AFAP1: variants seen among roughly 807,000 people sequenced by gnomAD.
AFAP1 encodes the protein actin filament associated protein 1, also known as actin filament-associated protein 1.
AFAP1 carries 75 observed loss-of-function variants against 93.9 expected under a neutral mutation model. That is an observed-to-expected ratio of 0.80 (90% CI 0.66 to 0.97). The LOEUF (loss-of-function observed/expected upper bound fraction) is 0.97. Among genes scored for constraint, AFAP1 ranks in the 50% least tolerant of loss-of-function variants. AFAP1 has a pLI of 0.00. For synonymous variants in AFAP1, 517 were observed against 430.7 expected (o/e 1.20, Z -2.48); for missense variants, 1,201 against 1,050.8 (o/e 1.14, Z -1.98).
In AFAP1 at chr4:7,786,210, G is replaced by A. The variant is rs780495147; in HGVS notation, c.1514C>T (p.Pro505Leu). The A allele has an allele frequency of 6.4e-5, 104 of 1,613,924 alleles. No homozygotes were observed. The highest frequency in any genetic ancestry group is 1.2e-4 in the Admixed American group (7 of 59,990). The change falls in exon 12 of 18, where the codon CCG (proline) becomes CTG (leucine). Residue 505 changes from proline to leucine, a missense_variant. Physicochemically the swap from Pro to Leu is moderately conservative, Grantham distance 98 (BLOSUM62 -3). Transcript: ENST00000420658. ...GGCACTCACCGAGCCGTTGATGCACGGGACATCGTCATAATGAAGTGCCGT... is the reference window on the plus strand; with the variant it reads ...GGCACTCACCGAGCCGTTGATGCACAGGACATCGTCATAATGAAGTGCCGT... ...SGTALHYDDVPCINGSWEPED... is the reference protein window; with the variant it reads ...SGTALHYDDVLCINGSWEPED...
At position 7,761,081 on chromosome 4, in the gene AFAP1, A is replaced by G. The variant is rs1268209516; in HGVS notation, c.*2684T>C. The G allele has an allele frequency of 6.6e-6, 1 of 152,292 alleles. No individual in the cohort carries two copies. Among genetic ancestry groups the G allele is most frequent in the Non-Finnish European group, 1.5e-5 (1 of 68,050 alleles). The allele number at this position is 152,292 out of a possible 1,614,324, so 9.4% of individuals were successfully genotyped here. On this transcript the variant is annotated 3_prime_UTR_variant, in exon 18 of 18. Coordinates refer to ENST00000420658, the MANE Select transcript of AFAP1 (RefSeq NM_001134647.2). ...TCCTGGGGCATGTTTTGGGAGGGGAATAAAATGACATCACTGTCAGAATTC... is the reference window on the plus strand; with the variant it reads ...TCCTGGGGCATGTTTTGGGAGGGGAGTAAAATGACATCACTGTCAGAATTC...
chr4:7,793,969 C>T lies in AFAP1; in HGVS notation c.1267-143G>A, dbSNP rs182100427. ...AGAAACGAAAAGGAAGATGGCTGAGCGATGGGATTAACGTCACGTTCGCAG... is the reference window on the plus strand; with the variant it reads ...AGAAACGAAAAGGAAGATGGCTGAGTGATGGGATTAACGTCACGTTCGCAG... On this transcript the variant is annotated intron_variant, in intron 10 of 17. Coordinates refer to ENST00000420658, the MANE Select transcript of AFAP1 (RefSeq NM_001134647.2). The T allele has an allele frequency of 1.1e-4, 103 of 934,774 alleles. No homozygotes were observed. The African/African-American group carries it at 1.5e-3, about 13-fold the overall frequency. 57.9% of individuals were successfully genotyped at this position (934,774 alleles called of 1,614,324 possible).
intron 1 of AFAP1, among the ~76,000 whole-genome samples, chr4:7,923,073 A>C (rs757584004): frequency 1.3e-5 from 2 of 152,226 alleles, no homozygotes; most frequent in Non-Finnish European, 2.9e-5. Flanking sequence ...ATATGATTTA[A>C]TCCAGATATA....
rs1271771751 is a variant in AFAP1, at chr4:7,761,627, T to TCACA, written c.*2134_*2137dup. On this transcript the variant is annotated 3_prime_UTR_variant, in exon 18 of 18. Transcript: ENST00000420658. Reference sequence around the variant, plus strand: ...CCTTCTCTTACTAACCACCAAAACCTCACACAGTTCTCTTTGGCAAAGCAG... The same window carrying TCACA: ...CCTTCTCTTACTAACCACCAAAACCTCACACACACAGTTCTCTTTGGCAAAGCAG... The TCACA allele has an allele frequency of 6.6e-6, 1 of 152,220 alleles. No individual in the cohort carries two copies. The highest frequency in any genetic ancestry group is 2.4e-5 in the African/African-American group (1 of 41,434). The allele number at this position is 152,220 out of a possible 1,614,324, so 9.4% of individuals were successfully genotyped here.
intron 7 of AFAP1, among the ~76,000 whole-genome samples, chr4:7,816,704 T>C (rs575987300): frequency 6.6e-6 from 1 of 152,310 alleles, no homozygotes; most frequent in East Asian, 1.9e-4. Context: ...GCTAGACCCC[T>C]TCCATTGCCA....
intron 1 of AFAP1, among the ~76,000 whole-genome samples, chr4:7,889,248 AG>A (rs1346867134): frequency 8.5e-5 from 13 of 152,092 alleles, no homozygotes; most frequent in Admixed American, 7.9e-4. Context: ...TGAGGAATAC[AG>A]GGGGGTTGTT....
chr4:7,808,961 A>G (rs1719769891), intron 9 of AFAP1, among the ~76,000 whole-genome samples: 1 of 152,214 alleles, frequency 6.6e-6, no homozygotes, highest in Admixed American at 6.5e-5. Context: ...CATAAGCCAG[A>G]TAAACCTCTC....
intron 1 of AFAP1, among the ~76,000 whole-genome samples, chr4:7,884,681 C>G (rs1321705707): frequency 1.3e-5 from 2 of 152,152 alleles, no homozygotes. Flanking sequence ...ACCAGAAAAA[C>G]TCTAAAGATA....
intron 1 of AFAP1, among the ~76,000 whole-genome samples, chr4:7,913,508 A>G (rs982747511): frequency 2.0e-5 from 3 of 152,218 alleles, no homozygotes; most frequent in Admixed American, 6.5e-5. Context: ...GAAAGTTTGA[A>G]AAACATATAA....
At chr4:7,895,689 C>A (rs1718721758) in intron 1 of AFAP1, among the ~76,000 whole-genome samples, 1 of 152,026 alleles carries the variant, frequency 6.6e-6, no homozygotes, top group South Asian at 2.1e-4. Context: ...AGGACAGAAA[C>A]CTAATGAATG....
Position 7,910,994 on chromosome 4 carries a change from C to T in AFAP1, c.-3+28662G>A, listed in dbSNP as rs145166859. Among the ~76,000 whole-genome samples the T allele has an allele frequency of 2.7e-3, 416 of 152,326 alleles. 12 individuals are homozygous for T. The highest frequency in any genetic ancestry group is 0.025 in the Admixed American group (385 of 15,302). ...TCACTTTTTTCAGCCCCTTGGCTGA[C>T]CCAGCATTCCCCAGAAAGCTATCGA... On this transcript the variant is annotated intron_variant, in intron 1 of 17. Coordinates refer to ENST00000420658, the MANE Select transcript of AFAP1 (RefSeq NM_001134647.2).
In AFAP1 at chr4:7,762,266, G is replaced by C. The variant is rs1218716952; in HGVS notation, c.*1499C>G. 1 of 152,234 alleles carries C rather than the reference G, an allele frequency of 6.6e-6. No homozygotes were observed. Among genetic ancestry groups the C allele is most frequent in the Non-Finnish European group, 1.5e-5 (1 of 68,068 alleles). The allele number at this position is 152,234 out of a possible 1,614,324, so 9.4% of individuals were successfully genotyped here. On this transcript the variant is annotated 3_prime_UTR_variant, in exon 18 of 18. Coordinates refer to ENST00000420658, the MANE Select transcript of AFAP1 (RefSeq NM_001134647.2). ...TGGGGGAAACCCAAGGAGTCAGTCA[G>C]TGTTTTCCCGCCATCTCTTCCTCTG...
intron 6 of AFAP1, among the ~76,000 whole-genome samples, chr4:7,823,480 G>A (rs945272872): frequency 3.9e-5 from 6 of 152,018 alleles, no homozygotes; most frequent in African/African-American, 1.5e-4. Flanking sequence ...AAGCCATCTG[G>A]CACATACGCA....
In AFAP1 at chr4:7,774,815, T is replaced by A; in HGVS notation, c.1986A>T (p.Lys662Asn). ...QTKEEELLKR[K>N]EALRNRLAQL... Reference sequence around the variant, plus strand: ...GGGCCAGCCTATTCCGCAGGGCCTCTTTCCTCTTCAGCAGCTCCTCCTCTT... The same window carrying A: ...GGGCCAGCCTATTCCGCAGGGCCTCATTCCTCTTCAGCAGCTCCTCCTCTT... The change falls in exon 15 of 18, where the codon AAA becomes AAT. Residue 662 changes from lysine to asparagine, a missense_variant. Transcript: ENST00000420658. The A allele has an allele frequency of 1.2e-6, 2 of 1,614,246 alleles. No individual in the cohort carries two copies. The highest frequency in any genetic ancestry group is 2.2e-5 in the South Asian group (2 of 91,084).
chr4:7,861,757 C>T (rs558958099), intron 3 of AFAP1, among the ~76,000 whole-genome samples: 1 of 152,156 alleles, frequency 6.6e-6, no homozygotes. Context: ...ATACATGAGC[C>T]AAAACTCTGA....
chr4:7,832,883 A>G (rs1352363396), intron 6 of AFAP1, among the ~76,000 whole-genome samples: 5 of 152,312 alleles, frequency 3.3e-5, no homozygotes, highest in Non-Finnish European at 7.4e-5. Context: ...AACAAAGCAA[A>G]CAAAAACATA....
At chr4:7,903,463 T>G (rs1045580790) in intron 1 of AFAP1, among the ~76,000 whole-genome samples, 2 of 152,204 alleles carry the variant, frequency 1.3e-5, no homozygotes, top group Non-Finnish European at 2.9e-5. Flanking sequence ...GCAGATCACC[T>G]GAGTTCAGGA....
At chr4:7,905,433 T>C (rs981369534) in intron 1 of AFAP1, among the ~76,000 whole-genome samples, 7 of 152,240 alleles carry the variant, frequency 4.6e-5, no homozygotes, top group African/African-American at 1.7e-4. Context: ...AAAAGGATAA[T>C]ACATTCATAC....
rs1175997747 is a variant in AFAP1 at position 7,852,676 on chromosome 4, T to A, written c.334+2790A>T. Among the ~76,000 whole-genome samples, 5 of 151,868 alleles carry A rather than the reference T, an allele frequency of 3.3e-5. No homozygotes were observed. The East Asian group carries it at 9.7e-4, about 30-fold the overall frequency. ...AGGGGTTTGCTGGGGGCACCGGGAA[T>A]ACAAAAGGGGCAGTAGATGGAGGTG... On this transcript the variant is annotated intron_variant, in intron 4 of 17. Transcript: ENST00000420658.
Sources: allele counts gnomAD v4.1 joint callset (sites outside exome capture counted in the v4.1 genomes callset), GRCh38; gene constraint gnomAD v4.1.1; transcripts MANE v1.5; gene names NCBI Gene and HGNC (gene_info 2026-07-23, HGNC 2026-07-21).